SNX13: variants seen among roughly 807,000 people sequenced by gnomAD.
SNX13 encodes sorting nexin 13.
SNX13 carries 45 observed loss-of-function variants against 133.6 expected under a neutral mutation model. The observed-to-expected ratio is 0.34, with a 90% CI of 0.27 to 0.43. The LOEUF (loss-of-function observed/expected upper bound fraction) is 0.43, where lower values mean the gene tolerates loss of function less well. SNX13 is among the 20% of genes least tolerant of loss of function. SNX13 has a pLI of 1.00. For missense variants in SNX13, 1,032 were observed against 1,145.1 expected, an observed-to-expected ratio of 0.90 and a Z score of 1.43; for synonymous variants, 414 against 373.9, an observed-to-expected ratio of 1.11 and a Z score of -1.24.
intron 1 of SNX13, among the ~76,000 whole-genome samples, chr7:17,935,170 G>T (rs1024325615): frequency 2.0e-5 from 3 of 152,144 alleles, no homozygotes; most frequent in African/African-American, 7.2e-5. Flanking sequence ...AGATACAATG[G>T]AATACTAATT....
At chr7:17,913,793 C>T (rs932504061) in intron 1 of SNX13, among the ~76,000 whole-genome samples, 4 of 145,912 alleles carry the variant, frequency 2.7e-5, no homozygotes, top group East Asian at 2.0e-4. Flanking sequence ...GAAGCAGCAT[C>T]GGCTCCCTCA....
rs10237285 is a variant in SNX13 at position 17,834,188 on chromosome 7, G to T, written c.1465-4C>A. 6,286 of 1,548,168 alleles carry T rather than the reference G, an allele frequency of 4.1e-3. 210 individuals are homozygous for T. The African/African-American group carries it at 0.073, about 18-fold the overall frequency. ...CTCGTAGCATCAATTCATATACCTT[G>T]GTGAAATAAATCAAGATATTCAACA... On this transcript the variant is annotated splice_polypyrimidine_tract_variant and splice_region_variant and intron_variant, in intron 14 of 25. Transcript: ENST00000428135.
intron 15 of SNX13, chr7:17,832,198 T>C: frequency 1.0e-6 from 1 of 984,530 alleles, no homozygotes; most frequent in Middle Eastern, 5.2e-4. Context: ...TTAATGTACT[T>C]CGTGTTTTAA....
chr7:17,907,339 T>C (rs188235525), intron 1 of SNX13: 42 of 152,312 alleles, frequency 2.8e-4, no homozygotes, highest in African/African-American at 9.4e-4. Flanking sequence ...TTTTCTTTCA[T>C]CCTAGTATGC....
At chr7:17,919,971 AAATT>A (rs1239077584) in intron 1 of SNX13, among the ~76,000 whole-genome samples, 5 of 152,146 alleles carry the variant, frequency 3.3e-5, no homozygotes, top group Admixed American at 1.3e-4. Context: ...ATCTCTAAAT[AAATT>A]AATTAAATTA....
chr7:17,821,679 A>G (rs1787299285), intron 17 of SNX13, 31 bp from the exon 18 acceptor site: 1 of 1,562,146 alleles, frequency 6.4e-7, no homozygotes, highest in Non-Finnish European at 8.7e-7. Flanking sequence ...TAGTCAGCAT[A>G]TACTAATCAT....
intron 1 of SNX13, chr7:17,899,406 A>C (rs1797569961): frequency 2.0e-5 from 3 of 152,072 alleles, no homozygotes; most frequent in Non-Finnish European, 4.4e-5. Context: ...TTCTACGCCT[A>C]ACTCTCTCTC....
At chr7:17,802,747 A>G (rs1181734330) in intron 21 of SNX13, among the ~76,000 whole-genome samples, 1 of 152,176 alleles carries the variant, frequency 6.6e-6, no homozygotes, top group Non-Finnish European at 1.5e-5. Context: ...AGCATAATCT[A>G]TCAAGTACAA....
chr7:17,798,584 A>G (rs560274096), intron 24 of SNX13, 106 bp downstream of exon 24: 66 of 835,080 alleles, frequency 7.9e-5, no homozygotes, highest in South Asian at 3.3e-4. Flanking sequence ...TGATAACTAA[A>G]CCAACTTTAT....
chr7:17,805,316 A>G (rs1313458036), intron 20 of SNX13, among the ~76,000 whole-genome samples: 2 of 150,322 alleles, frequency 1.3e-5, no homozygotes, highest in Admixed American at 6.7e-5. Flanking sequence ...TTTTTGGTCA[A>G]CCAGAATAGT....
intron 15 of SNX13, chr7:17,830,802 A>T: frequency 1.0e-6 from 1 of 983,608 alleles, no homozygotes; most frequent in Non-Finnish European, 1.2e-6. Context: ...AGCAATATTC[A>T]TACACAGTTT....
At chr7:17,809,680 C>A (rs1421784959) in intron 20 of SNX13, among the ~76,000 whole-genome samples, 3 of 152,204 alleles carry the variant, frequency 2.0e-5, no homozygotes, top group Non-Finnish European at 4.4e-5. Context: ...CTTCTCAGCA[C>A]CACATCGCAC....
At chr7:17,857,070 A>G (rs934457382) in intron 9 of SNX13, among the ~76,000 whole-genome samples, 4 of 152,108 alleles carry the variant, frequency 2.6e-5, no homozygotes, top group African/African-American at 7.2e-5. Context: ...CAACTGATAC[A>G]ACTGAAATAT....
intron 1 of SNX13, among the ~76,000 whole-genome samples, chr7:17,939,519 C>T (rs1002361211): frequency 2.0e-5 from 3 of 152,078 alleles, no homozygotes; most frequent in African/African-American, 7.2e-5. Flanking sequence ...AACTCTACTT[C>T]TTCAAAAAGT....
chr7:17,840,170 G>A lies in SNX13; in HGVS notation c.1166-170C>T, dbSNP rs117530141. Among the ~76,000 whole-genome samples, 434 of 152,054 alleles carry A rather than the reference G, an allele frequency of 2.9e-3. 5 individuals carry two copies. Among genetic ancestry groups the A allele is most frequent in the Non-Finnish European group, 4.7e-3 (322 of 67,932 alleles). ...GAAAATATAGTTGTAAATTAGTTAC[G>A]CTAAAAAACCAGTTATGTTAAAAAC... On this transcript the variant is annotated intron_variant, in intron 12 of 25. Transcript: ENST00000428135.
In SNX13 at chr7:17,850,384, A is replaced by G. The variant is rs926855829; in HGVS notation, c.1028T>C (p.Val343Ala). 2 of 1,596,308 alleles carry G rather than the reference A, an allele frequency of 1.3e-6. No homozygotes were observed. The highest frequency in any genetic ancestry group is 1.7e-5 in the Admixed American group (1 of 57,170). Reference protein sequence around the residue: ...QINSLLFVKKVCDSRIQRLQS... With the variant: ...QINSLLFVKKACDSRIQRLQS... Reference sequence around the variant, plus strand: ...CAATCGCTGTATTCTTGAGTCACATACCTTCTTTACGAATAGTAAGCTATT... The same window carrying G: ...CAATCGCTGTATTCTTGAGTCACATGCCTTCTTTACGAATAGTAAGCTATT... Residue 343 changes from valine (V) to alanine (A), a missense_variant, in exon 11 of 26, where the codon GTA becomes GCA. Val to Ala is a moderately conservative substitution (Grantham distance 64, BLOSUM62 0). Coordinates refer to ENST00000428135, the MANE Select transcript of SNX13 (RefSeq NM_015132.5).
chr7:17,803,880 T>TTA (rs1554303734), intron 20 of SNX13, among the ~76,000 whole-genome samples: 36 of 77,752 alleles, frequency 4.6e-4, no homozygotes, highest in African/African-American at 1.6e-3. Flanking sequence ...ACCCCATCTC[T>TTA]AAAAAAAAAA....
intron 1 of SNX13, among the ~76,000 whole-genome samples, chr7:17,926,830 G>T (rs1238560897): frequency 6.6e-6 from 1 of 152,160 alleles, no homozygotes; most frequent in African/African-American, 2.4e-5. Flanking sequence ...AGGCTGCAGT[G>T]AGCCGTGTTC....
chr7:17,923,822 T>C (rs1432592794), intron 1 of SNX13, among the ~76,000 whole-genome samples: 1 of 152,144 alleles, frequency 6.6e-6, no homozygotes, highest in Non-Finnish European at 1.5e-5. Context: ...TAGTTTCCAC[T>C]ACAAAGTACA....
Sources: gnomAD v4.1 joint callset for allele counts (sites outside exome capture counted in the v4.1 genomes callset) on GRCh38, gnomAD v4.1.1 for gene constraint, MANE v1.5 for transcripts, NCBI Gene and HGNC (gene_info 2026-07-23, HGNC 2026-07-21) for gene names.